The following ASPH variants were observed in gnomAD, a reference collection of about 807,000 sequenced individuals.
The protein encoded by ASPH is aspartyl/asparaginyl beta-hydroxylase.
A neutral mutation model predicts 118.4 loss-of-function variants in ASPH; 100 were observed. The ratio of observed to expected loss-of-function variants is 0.84; its 90% CI spans 0.72 to 1.00. ASPH has a LOEUF of 1.00. Among genes scored for constraint, ASPH ranks in the 50% least tolerant of loss-of-function variants. ASPH has a pLI of 0.00. For synonymous variants in ASPH, 315 were observed against 325.6 expected (o/e 0.97, Z 0.35); for missense variants, 920 against 919.5 (o/e 1.00, Z -0.01).
intron 21 of ASPH, among the ~76,000 whole-genome samples, chr8:61,528,900 A>G (rs1302996399): frequency 6.6e-6 from 1 of 152,216 alleles, no homozygotes; most frequent in Non-Finnish European, 1.5e-5. Context: ...CTCTGAACAC[A>G]TGCCCTAATA....
chr8:61,579,219 G>A (rs997188268), intron 15 of ASPH: 368 of 1,613,398 alleles, frequency 2.3e-4, no homozygotes, highest in Non-Finnish European at 2.7e-4. Flanking sequence ...CCTGGAGGCC[G>A]CCATTGCAGA....
chr8:61,688,696 T>C (rs1464605817), intron 1 of ASPH, among the ~76,000 whole-genome samples: 3 of 152,230 alleles, frequency 2.0e-5, no homozygotes, highest in Admixed American at 6.5e-5. Context: ...TTCCATGCTA[T>C]AAAATGTCAC....
chr8:61,568,969 C>A (rs146154830), intron 16 of ASPH, among the ~76,000 whole-genome samples: 1 of 151,980 alleles, frequency 6.6e-6, no homozygotes, highest in Non-Finnish European at 1.5e-5. Context: ...CAAGGAGATG[C>A]AAGAGACTCA....
chr8:61,533,771 GC>G (rs1335699234), intron 21 of ASPH, among the ~76,000 whole-genome samples: 1 of 152,132 alleles, frequency 6.6e-6, no homozygotes, highest in East Asian at 1.9e-4. Context: ...TCTTAGATCT[GC>G]CAAATCATCT....
chr8:61,551,007 G>GA, intron 20 of ASPH, among the ~76,000 whole-genome samples: 1 of 152,164 alleles, frequency 6.6e-6, no homozygotes, highest in Non-Finnish European at 1.5e-5. Flanking sequence ...AACCTAGGAG[G>GA]AAAAACGGTT....
chr8:61,567,195 G>C lies in ASPH; in HGVS notation c.1273C>G (p.Arg425Gly), dbSNP rs751131305. The change falls in exon 17 of 25, where the codon CGT becomes GGT. Residue 425 changes from arginine (R) to glycine (G), a missense_variant. Arg to Gly is a moderately radical substitution (Grantham distance 125). Coordinates refer to ENST00000379454, the MANE Select transcript of ASPH (RefSeq NM_004318.4). ...PADLLKLSLK[R>G]RSDRQQFLGH... ...AGAAATTGTTGCCTGTCTGAGCGAC[G>C]CTTCAAACTCAGCTTCAGCAGGTCT... The C allele has an allele frequency of 6.2e-7, 1 of 1,613,660 alleles. No homozygotes were observed. Among genetic ancestry groups the C allele is most frequent in the East Asian group, 2.2e-5 (1 of 44,846 alleles).
intron 1 of ASPH, among the ~76,000 whole-genome samples, chr8:61,696,432 T>G (rs1448620116): frequency 6.6e-6 from 1 of 152,186 alleles, no homozygotes; most frequent in Non-Finnish European, 1.5e-5. Flanking sequence ...CACACCTCTG[T>G]GCTAATACCG....
At chr8:61,614,769 C>T (rs905565941) in intron 14 of ASPH, among the ~76,000 whole-genome samples, 8 of 152,118 alleles carry the variant, frequency 5.3e-5, no homozygotes, top group African/African-American at 2.4e-5. Flanking sequence ...AGATTATAGG[C>T]ATTAGCCACT....
intron 13 of ASPH, chr8:61,626,310 A>C (rs1219232367): frequency 1.3e-5 from 20 of 1,550,576 alleles, no homozygotes; most frequent in Non-Finnish European, 1.7e-5. Context: ...TCTAAATTAA[A>C]GGACCAACCA....
At chr8:61,621,014 G>A (rs1453751912) in intron 13 of ASPH, among the ~76,000 whole-genome samples, 3 of 152,172 alleles carry the variant, frequency 2.0e-5, no homozygotes, top group African/African-American at 4.8e-5. Context: ...TTAGACTCAC[G>A]TCCTCCCAGG....
At chr8:61,711,615 CTTTT>C in intron 1 of ASPH, among the ~76,000 whole-genome samples, 1 of 151,922 alleles carries the variant, frequency 6.6e-6, no homozygotes, top group South Asian at 2.1e-4. Context: ...CCAAACATCA[CTTTT>C]CAGCAAAAAA....
intron 15 of ASPH, among the ~76,000 whole-genome samples, chr8:61,580,897 AC>A (rs1837308794): frequency 6.6e-6 from 1 of 152,234 alleles, no homozygotes; most frequent in Admixed American, 6.5e-5. Flanking sequence ...CATAACATTT[AC>A]AGGTTCCAGA....
At chr8:61,605,804 CA>C (rs770557319) in intron 14 of ASPH, among the ~76,000 whole-genome samples, 119 of 152,318 alleles carry the variant, frequency 7.8e-4, no homozygotes, top group South Asian at 2.5e-3. Flanking sequence ...TGTGTATTTC[CA>C]TGACGCTAGT....
At chr8:61,551,416 G>A (rs1002096570) in intron 20 of ASPH, among the ~76,000 whole-genome samples, 8 of 152,314 alleles carry the variant, frequency 5.3e-5, no homozygotes, top group Middle Eastern at 3.4e-3. Context: ...CTAATGCTGG[G>A]AATATACTAA....
intron 20 of ASPH, 21 bp downstream of exon 20, chr8:61,553,010 A>G (rs1306063340): frequency 1.9e-6 from 3 of 1,562,426 alleles, no homozygotes; most frequent in Admixed American, 1.7e-5. Context: ...AGAGAGAATC[A>G]GAAATTCATA....
chr8:61,570,516 T>C (rs1370180345), intron 16 of ASPH, among the ~76,000 whole-genome samples: 1 of 152,186 alleles, frequency 6.6e-6, no homozygotes, highest in Non-Finnish European at 1.5e-5. Flanking sequence ...GGGAGAGAGA[T>C]AGTATAATCT....
chr8:61,690,917 G>C, intron 1 of ASPH, among the ~76,000 whole-genome samples: 1 of 152,132 alleles, frequency 6.6e-6, no homozygotes, highest in East Asian at 1.9e-4. Flanking sequence ...CTGAGAGTGT[G>C]TGTGTGTGTG....
intron 21 of ASPH, among the ~76,000 whole-genome samples, chr8:61,526,733 G>A (rs889021125): frequency 6.6e-6 from 1 of 152,158 alleles, no homozygotes; most frequent in Non-Finnish European, 1.5e-5. Context: ...TGCCAGAAAG[G>A]GAGCTTATGA....
intron 13 of ASPH, chr8:61,628,212 T>C: frequency 4.4e-6 from 1 of 227,486 alleles, no homozygotes; most frequent in Non-Finnish European, 9.0e-6. Context: ...CAGGCTAGAG[T>C]GCAGTGGTGC....
Sources: gnomAD v4.1 joint callset for allele counts (sites outside exome capture counted in the v4.1 genomes callset) on GRCh38, gnomAD v4.1.1 for gene constraint, MANE v1.5 for transcripts, NCBI Gene and HGNC (gene_info 2026-07-23, HGNC 2026-07-21) for gene names.